Variants in SOAT1 observed in about 807,000 individuals in gnomAD.
The protein encoded by SOAT1 is sterol O-acyltransferase 1, also known as acyl-coenzyme A:cholesterol acyltransferase 1.
A neutral mutation model predicts 69.5 loss-of-function variants in SOAT1; 55 were observed. That is an observed-to-expected ratio of 0.79 (90% confidence interval 0.64 to 0.99). The LOEUF is 0.99. Ranked by LOEUF, SOAT1 falls within the 50% of genes least tolerant of loss-of-function variation. The probability of loss-of-function intolerance (pLI) is 0.00; values close to 1 mark genes in which losing one functional copy is unlikely to be tolerated. For missense variants in SOAT1, 580 were observed against 669.3 expected (o/e 0.87, Z 1.47); for synonymous variants, 231 against 224.7 (o/e 1.03, Z -0.25).
At chr1:179,342,801 CT>C in intron 8 of SOAT1, 60 bp from the exon 9 acceptor site, 1 of 1,169,344 alleles carries the variant, frequency 8.6e-7, no homozygotes, top group Non-Finnish European at 1.3e-6. Context: ...ATATTCCCCC[CT>C]GTATTTTTGC....
At position 179,350,295 on chromosome 1, in the gene SOAT1, G is replaced by A; in HGVS notation, c.1315-1G>A. ...TTTGTAGTGTTTTCCTTTTTCTTTAGTTTTTCTCCAAGAGATTCAAATCTG... is the reference window on the plus strand; with the variant it reads ...TTTGTAGTGTTTTCCTTTTTCTTTAATTTTTCTCCAAGAGATTCAAATCTG... On this transcript the variant is annotated splice_acceptor_variant, in intron 13 of 15. Coordinates refer to ENST00000367619, the MANE Select transcript of SOAT1 (RefSeq NM_003101.6). LOFTEE classifies it high-confidence loss of function. 6.2e-7 allele frequency: 1 copy of A among 1,609,180 alleles called. No individual in the cohort carries two copies. The highest frequency in any genetic ancestry group is 8.5e-7 in the Non-Finnish European group (1 of 1,178,722).
intron 2 of SOAT1, among the ~76,000 whole-genome samples, 179 bp downstream of exon 2, chr1:179,302,981 T>A (rs2493121): frequency 0.62 from 94,329 of 151,956 alleles, 30,180 homozygotes; most frequent in East Asian, 0.87. Context: ...AATTTGGTGG[T>A]CATCTATTGG....
intron 1 of SOAT1, among the ~76,000 whole-genome samples, chr1:179,300,902 C>T (rs972384270): frequency 4.6e-5 from 7 of 151,926 alleles, no homozygotes; most frequent in South Asian, 2.1e-4. Context: ...TCGAGACCAG[C>T]GTGACCAACA....
chr1:179,295,966 A>ATTT (rs58893158), intron 1 of SOAT1, among the ~76,000 whole-genome samples: 9 of 52,022 alleles, frequency 1.7e-4, no homozygotes, highest in African/African-American at 7.8e-4. Flanking sequence ...CGCCCGGCTA[A>ATTT]TTTTTTTTTT....
At chr1:179,343,874 G>T (rs1352926533) in intron 10 of SOAT1, among the ~76,000 whole-genome samples, 1 of 152,176 alleles carries the variant, frequency 6.6e-6, no homozygotes, top group Admixed American at 6.5e-5. Context: ...TGTAATCCCA[G>T]CACTTTGGGA....
intron 1 of SOAT1, among the ~76,000 whole-genome samples, chr1:179,295,151 ACT>A (rs1475396211): frequency 2.0e-5 from 3 of 151,166 alleles, no homozygotes; most frequent in Non-Finnish European, 4.4e-5. Flanking sequence ...GAGTGAGCAC[ACT>A]CTATCTCTGG....
chr1:179,348,970 AT>A, intron 13 of SOAT1, 28 bp downstream of exon 13: 1 of 1,156,982 alleles, frequency 8.6e-7, no homozygotes, highest in Non-Finnish European at 1.3e-6. Flanking sequence ...AGTTGATATT[AT>A]TTATGAAATG....
At chr1:179,342,835 G>T (rs1666386796) in intron 8 of SOAT1, 27 bp from the exon 9 acceptor site, 1 of 1,554,454 alleles carries the variant, frequency 6.4e-7, no homozygotes, top group African/African-American at 1.4e-5. Context: ...AAGAGCCTTT[G>T]CTCTAACTAT....
At position 179,302,602 on chromosome 1, in the gene SOAT1, A is replaced by G. The variant is rs1664869552; in HGVS notation, c.-8-75A>G. The G allele has an allele frequency of 6.1e-6, 5 of 817,580 alleles. No homozygotes were observed. In the South Asian group the frequency reaches 1.3e-4, roughly 22 times the overall value. The allele number at this position is 817,580 out of a possible 1,614,324, so 50.6% of individuals were successfully genotyped here. A position where few individuals can be genotyped will look rare whatever the true frequency, so the allele number is the denominator to read the frequency against. The stretch of plus-strand genomic sequence containing the variant: ...ACAGTTAAACCTCTTTCCTTTATAA[A>G]TTACCCAGTCTCAGGTAGTGTATAG... On this transcript the variant is annotated intron_variant, in intron 1 of 15. Transcript: ENST00000367619.
chr1:179,343,731 A>C (rs1666422191), intron 10 of SOAT1, 96 bp downstream of exon 10: 1 of 884,632 alleles, frequency 1.1e-6, no homozygotes, highest in South Asian at 1.6e-5. Context: ...TTGGGAGCTA[A>C]GAATGCTTTC....
intron 2 of SOAT1, among the ~76,000 whole-genome samples, chr1:179,303,610 T>A (rs754355127): frequency 2.6e-5 from 4 of 152,214 alleles, no homozygotes; most frequent in Non-Finnish European, 4.4e-5. Flanking sequence ...TAAATTTAAT[T>A]AAACTTAAAT....
At chr1:179,328,768 G>A (rs558121781) in intron 3 of SOAT1, among the ~76,000 whole-genome samples, 4 of 152,222 alleles carry the variant, frequency 2.6e-5, no homozygotes, top group South Asian at 4.1e-4. Context: ...TTTGGGCCAG[G>A]CGCATTGGCT....
In SOAT1 at chr1:179,348,836, T is replaced by C; in HGVS notation, c.1216-8T>C. On this transcript the variant is annotated splice_polypyrimidine_tract_variant and splice_region_variant and intron_variant, in intron 12 of 15. Coordinates refer to ENST00000367619, the MANE Select transcript of SOAT1 (RefSeq NM_003101.6). ...TGTGTAGTTTTATACCTTTACTTTT[T>C]CCCTCAGGATTGGTGGAACTCCACG... 1 of 1,501,274 alleles carries C rather than the reference T, an allele frequency of 6.7e-7. No individual in the cohort carries two copies. Among genetic ancestry groups the C allele is most frequent in the Non-Finnish European group, 9.3e-7 (1 of 1,080,612 alleles). 93.0% of individuals were successfully genotyped at this position (1,501,274 alleles called of 1,614,324 possible).
intron 4 of SOAT1, among the ~76,000 whole-genome samples, chr1:179,337,056 G>C (rs549391631): frequency 1.3e-5 from 2 of 151,698 alleles, no homozygotes; most frequent in East Asian, 3.9e-4. Context: ...TTGTAATAAA[G>C]TACAATGCGA....
chr1:179,311,902 T>C (rs1414688236), intron 2 of SOAT1, among the ~76,000 whole-genome samples: 5 of 152,170 alleles, frequency 3.3e-5, no homozygotes, highest in African/African-American at 1.2e-4. Flanking sequence ...ACTTTTTGAA[T>C]AGGGAATGAT....
intron 15 of SOAT1, among the ~76,000 whole-genome samples, chr1:179,352,237 T>A (rs7534976): frequency 0.45 from 67,665 of 150,106 alleles, 15,328 homozygotes; most frequent in Non-Finnish European, 0.5. Flanking sequence ...GGGTACAGAT[T>A]TTAGGAGGAT....
rs753077876 is a variant in SOAT1 at position 179,345,051 on chromosome 1, A to T, written c.1092A>T (p.Leu364=). 8.7e-6 allele frequency: 14 copies of T among 1,613,976 alleles called. No homozygotes were observed. The highest frequency in any genetic ancestry group is 1.7e-5 in the Admixed American group (1 of 59,990). ...QEPFSARVLV[L]CVFNSILPGV... ...CCTTCAGCGCTCGTGTTCTGGTCCTATGTGTATTTAACTCCATCTTGCCAG... is the reference window on the plus strand; with the variant it reads ...CCTTCAGCGCTCGTGTTCTGGTCCTTTGTGTATTTAACTCCATCTTGCCAG... The change falls in exon 11 of 16, where the codon CTA becomes CTT. Residue 364 remains leucine (L), a synonymous_variant. Coordinates refer to ENST00000367619, the MANE Select transcript of SOAT1 (RefSeq NM_003101.6).
At chr1:179,298,314 T>C (rs1196123629) in intron 1 of SOAT1, among the ~76,000 whole-genome samples, 1 of 152,048 alleles carries the variant, frequency 6.6e-6, no homozygotes. Context: ...GGTCTCGATC[T>C]CCTGACCTGG....
chr1:179,331,024 C>G (rs1441639596), intron 3 of SOAT1, among the ~76,000 whole-genome samples: 1 of 152,162 alleles, frequency 6.6e-6, no homozygotes. Context: ...ATAGGGTTGA[C>G]AAATAACAGT....
Sources: gnomAD v4.1 joint callset for allele counts (sites outside exome capture counted in the v4.1 genomes callset) on GRCh38, gnomAD v4.1.1 for gene constraint, MANE v1.5 for transcripts, NCBI Gene and HGNC (gene_info 2026-07-23, HGNC 2026-07-21) for gene names.